The following NTNG1 variants were observed in gnomAD, a reference collection of about 807,000 sequenced individuals.
NTNG1 encodes netrin-G1.
In NTNG1, 16 loss-of-function variants were observed where a neutral mutation model predicts 54.0. The observed-to-expected ratio is 0.30, with a 90% CI of 0.20 to 0.45. The LOEUF (loss-of-function observed/expected upper bound fraction) is 0.45, where lower values mean the gene tolerates loss of function less well. NTNG1 is among the 20% of genes least tolerant of loss of function. NTNG1 has a pLI of 1.00. For missense variants in NTNG1, 530 were observed against 678.7 expected (o/e 0.78, Z 2.43); for synonymous variants, 255 against 263.1 (o/e 0.97, Z 0.30).
chr1:107,174,656 C>T (rs1570764281), intron 2 of NTNG1, among the ~76,000 whole-genome samples: 2 of 151,992 alleles, frequency 1.3e-5, no homozygotes, highest in African/African-American at 2.4e-5. Flanking sequence ...GCAAGGATCT[C>T]ATTCCCAGCT....
intron 3 of NTNG1, among the ~76,000 whole-genome samples, chr1:107,341,469 G>A (rs769948975): frequency 2.0e-5 from 3 of 152,064 alleles, no homozygotes; most frequent in Non-Finnish European, 4.4e-5. Context: ...AGCAAGCTTA[G>A]TTTTCTAAGA....
At chr1:107,283,139 C>T (rs17018703) in intron 2 of NTNG1, among the ~76,000 whole-genome samples, 54,402 of 151,994 alleles carry the variant, frequency 0.36, 10,437 homozygotes, top group East Asian at 0.49. Context: ...TAGCAAGGCT[C>T]TTACCATTTT....
At chr1:107,141,920 G>T (rs541255325) in intron 1 of NTNG1, among the ~76,000 whole-genome samples, 5 of 152,138 alleles carry the variant, frequency 3.3e-5, no homozygotes, top group Non-Finnish European at 5.9e-5. Context: ...TTGCCCTATT[G>T]CCGGCCTTGG....
chr1:107,381,348 TAAAAAAA>T (rs10598493), intron 3 of NTNG1, among the ~76,000 whole-genome samples: 4 of 51,616 alleles, frequency 7.7e-5, no homozygotes, highest in Admixed American at 5.1e-4. Flanking sequence ...TCTCTTTAAC[TAAAAAAA>T]AAAAAAAAAA....
At chr1:107,342,839 G>A (rs1668979961) in intron 3 of NTNG1, among the ~76,000 whole-genome samples, 1 of 151,896 alleles carries the variant, frequency 6.6e-6, no homozygotes, top group African/African-American at 2.4e-5. Context: ...TGTGTTCAGG[G>A]ATTTAGAACG....
At position 107,398,976 on chromosome 1, in the gene NTNG1, GC is replaced by G. The variant is rs529246789; in HGVS notation, c.1060+3651del. ...AACACATGTTTTTCTATATATAGAT[GC>G]TAAAAGCTTAATAATCACTATGTAG... On this transcript the variant is annotated intron_variant, in intron 4 of 7. Coordinates refer to ENST00000370068, the MANE Select transcript of NTNG1 (RefSeq NM_001113226.3). 4.0e-4 allele frequency among the ~76,000 whole-genome samples: 61 copies of G among 152,142 alleles called. No individual in the cohort carries two copies. In the South Asian group the frequency reaches 8.5e-3, roughly 21 times the overall value.
intron 2 of NTNG1, among the ~76,000 whole-genome samples, chr1:107,258,867 G>A (rs1210014039): frequency 6.6e-6 from 1 of 152,096 alleles, no homozygotes; most frequent in Non-Finnish European, 1.5e-5. Flanking sequence ...AAGTCTTTTT[G>A]TTGTTGTTGC....
At chr1:107,283,014 G>C (rs147964560) in intron 2 of NTNG1, among the ~76,000 whole-genome samples, 3 of 152,138 alleles carry the variant, frequency 2.0e-5, no homozygotes, top group African/African-American at 7.2e-5. Context: ...TGCCATTCAT[G>C]ATGGCTCCAC....
At chr1:107,455,970 G>T (rs1156420776) in intron 7 of NTNG1, among the ~76,000 whole-genome samples, 1 of 152,180 alleles carries the variant, frequency 6.6e-6, no homozygotes, top group Non-Finnish European at 1.5e-5. Flanking sequence ...AAAACATGGA[G>T]AGGTGCCACG....
chr1:107,246,582 TCTA>T (rs1662218492), intron 2 of NTNG1, among the ~76,000 whole-genome samples: 1 of 152,094 alleles, frequency 6.6e-6, no homozygotes, highest in South Asian at 2.1e-4. Flanking sequence ...ATTTTTCTCA[TCTA>T]CTCCTATTTC....
At chr1:107,433,545 T>C (rs1304301846) in intron 6 of NTNG1, among the ~76,000 whole-genome samples, 1 of 152,050 alleles carries the variant, frequency 6.6e-6, no homozygotes, top group African/African-American at 2.4e-5. Context: ...CGAGACTCCA[T>C]CTCAAAAAAT....
At chr1:107,286,117 A>C (rs570374735) in intron 2 of NTNG1, among the ~76,000 whole-genome samples, 126 of 152,260 alleles carry the variant, frequency 8.3e-4, no homozygotes, top group South Asian at 2.3e-3. Flanking sequence ...TTTCTATTGT[A>C]ACTTCTATAT....
intron 2 of NTNG1, among the ~76,000 whole-genome samples, chr1:107,223,716 G>GA (rs1026118891): frequency 6.6e-6 from 1 of 152,008 alleles, no homozygotes; most frequent in African/African-American, 2.4e-5. Flanking sequence ...GGAGCTGAAA[G>GA]AAAAAAGGTA....
chr1:107,359,555 A>G (rs1267143323), intron 3 of NTNG1, among the ~76,000 whole-genome samples: 2 of 152,094 alleles, frequency 1.3e-5, no homozygotes, highest in African/African-American at 2.4e-5. Context: ...GACTTGATTG[A>G]GAGTAGGCAT....
intron 2 of NTNG1, among the ~76,000 whole-genome samples, chr1:107,184,401 TTC>T (rs1422777121): frequency 6.6e-6 from 1 of 152,116 alleles, no homozygotes; most frequent in Non-Finnish European, 1.5e-5. Flanking sequence ...TGACACAACT[TTC>T]TGAGTTATTC....
At chr1:107,406,990 T>C (rs1421036119) in intron 4 of NTNG1, among the ~76,000 whole-genome samples, 3 of 152,162 alleles carry the variant, frequency 2.0e-5, no homozygotes, top group Admixed American at 2.0e-4. Flanking sequence ...AGCCATATTC[T>C]GAAATGGCTT....
chr1:107,280,599 A>G lies in NTNG1; in HGVS notation c.247-43683A>G, dbSNP rs570812556. ...AAGAGTCAAGGTTTGGGAAGTTGGCATGGCTTTTTTTTTTTTTTTGGCCAC... is the reference window on the plus strand; with the variant it reads ...AAGAGTCAAGGTTTGGGAAGTTGGCGTGGCTTTTTTTTTTTTTTTGGCCAC... On this transcript the variant is annotated intron_variant, in intron 2 of 7. Coordinates refer to ENST00000370068, the MANE Select transcript of NTNG1 (RefSeq NM_001113226.3). 7.7e-4 allele frequency among the ~76,000 whole-genome samples: 105 copies of G among 136,120 alleles called. No homozygotes were observed. The South Asian group carries it at 0.015, about 20-fold the overall frequency. 89.3% of individuals were successfully genotyped at this position (136,120 alleles called of 152,430 possible).
intron 3 of NTNG1, among the ~76,000 whole-genome samples, chr1:107,355,358 GT>G (rs111810540): frequency 1.3e-5 from 2 of 151,012 alleles, no homozygotes; most frequent in Admixed American, 1.3e-4. Flanking sequence ...AGCTTTGTGA[GT>G]TTTTTTAATT....
At chr1:107,235,706 C>T (rs1320465264) in intron 2 of NTNG1, among the ~76,000 whole-genome samples, 1 of 152,146 alleles carries the variant, frequency 6.6e-6, no homozygotes, top group Non-Finnish European at 1.5e-5. Context: ...CACTTTTGAT[C>T]CCTTTAGCCT....
Sources: allele counts gnomAD v4.1 joint callset (sites outside exome capture counted in the v4.1 genomes callset), GRCh38; gene constraint gnomAD v4.1.1; transcripts MANE v1.5; gene names NCBI Gene and HGNC (gene_info 2026-07-23, HGNC 2026-07-21).